Variants in JARID2 observed in about 807,000 individuals in gnomAD.
JARID2 encodes the protein protein Jumonji.
A neutral mutation model predicts 125.6 loss-of-function variants in JARID2; 21 were observed. The observed-to-expected ratio is 0.17, with a 90% CI of 0.12 to 0.24. The LOEUF (loss-of-function observed/expected upper bound fraction) is 0.24, where lower values mean the gene tolerates loss of function less well. Ranked by LOEUF, JARID2 falls within the 10% of genes least tolerant of loss-of-function variation. The pLI is 1.00. For synonymous variants in JARID2, 736 were observed against 661.6 expected, an observed-to-expected ratio of 1.11 and a Z score of -1.73; for missense variants, 1,303 against 1,639.6, an observed-to-expected ratio of 0.79 and a Z score of 3.55.
chr6:15,247,473 A>AT, intron 1 of JARID2: 11 of 980,216 alleles, frequency 1.1e-5, no homozygotes, highest in Non-Finnish European at 1.3e-5. Flanking sequence ...GGACCGAGGG[A>AT]TTAACCAAAT....
intron 1 of JARID2, among the ~76,000 whole-genome samples, chr6:15,305,314 C>CTGAATAAGAAGT (rs1761780542): frequency 2.0e-5 from 3 of 151,980 alleles, no homozygotes; most frequent in African/African-American, 7.3e-5. Flanking sequence ...GAGAGCAACT[C>CTGAATAAGAAGT]CGCTGTGGGC....
intron 3 of JARID2, among the ~76,000 whole-genome samples, chr6:15,423,010 A>G (rs1203038493): frequency 8.1e-6 from 1 of 122,932 alleles, no homozygotes; most frequent in Admixed American, 8.5e-5. Context: ...TTTTTTAAAC[A>G]TTTATTTGAG....
At chr6:15,412,649 A>AT (rs753606468) in intron 3 of JARID2, among the ~76,000 whole-genome samples, 1 of 152,196 alleles carries the variant, frequency 6.6e-6, no homozygotes, top group Admixed American at 6.5e-5. Context: ...CAAGCATAAA[A>AT]TGATAACTTA....
In JARID2 at chr6:15,512,193, G is replaced by T; in HGVS notation, c.2953-15G>T. 1 of 1,610,738 alleles carries T rather than the reference G, an allele frequency of 6.2e-7. No individual in the cohort carries two copies. Among genetic ancestry groups the T allele is most frequent in the Non-Finnish European group, 8.5e-7 (1 of 1,177,714 alleles). ...GCACAGGGAGGGGTGCCTCAGCCTG[G>T]CCCTGTCTCCCCAGATCTCCCCGGA... On this transcript the variant is annotated splice_polypyrimidine_tract_variant and intron_variant, in intron 13 of 17. Transcript: ENST00000341776.
chr6:15,496,682 A>G lies in JARID2; in HGVS notation c.1457A>G (p.Lys486Arg). Residue 486 changes from lysine (K) to arginine (R), a missense_variant, in exon 7 of 18, where the codon AAG (lysine) becomes AGG (arginine). By Grantham distance (26) the Lys-to-Arg change is conservative. Around this residue, in one of 11 missense-constraint regions of JARID2, gnomAD observed 651 missense variants for 581.6 expected, o/e 1.12. Transcript: ENST00000341776. ...AERGLLNGHV[K>R]KEVPERSLER... The stretch of plus-strand genomic sequence containing the variant: ...AGAGGTCTGCTGAACGGACACGTGA[A>G]GAAGGAAGTGCCGGAGCGCAGTCTG... The G allele has an allele frequency of 6.2e-7, 1 of 1,613,182 alleles. No homozygotes were observed. The highest frequency in any genetic ancestry group is 8.5e-7 in the Non-Finnish European group (1 of 1,179,910).
intron 1 of JARID2, among the ~76,000 whole-genome samples, chr6:15,290,586 C>G (rs546820987): frequency 1.3e-5 from 2 of 152,290 alleles, no homozygotes; most frequent in South Asian, 4.1e-4. Context: ...CAGAATCAAT[C>G]TCATGTGATG....
rs536042559 is a variant in JARID2 at position 15,311,022 on chromosome 6, G to A, written c.46-63095G>A. Among the ~76,000 whole-genome samples, 9 of 152,246 alleles carry A rather than the reference G, an allele frequency of 5.9e-5. No homozygotes were observed. The East Asian group carries it at 1.2e-3, about 20-fold the overall frequency. Reference sequence around the variant, plus strand: ...GAGGACTTCACATCCTTTGGGATGCGGGTATTTTAGTTCCAGGGCTAACAT... The same window carrying A: ...GAGGACTTCACATCCTTTGGGATGCAGGTATTTTAGTTCCAGGGCTAACAT... On this transcript the variant is annotated intron_variant, in intron 1 of 17. Transcript: ENST00000341776.
At position 15,269,802 on chromosome 6, in the gene JARID2, A is replaced by G. The variant is rs527630073; in HGVS notation, c.45+23218A>G. On this transcript the variant is annotated intron_variant, in intron 1 of 17. Transcript: ENST00000341776. ...AGTGTTTTTACTGGCTATATAGACC[A>G]CAGAGTCCAGAAGTGACTTGGATGG... Among the ~76,000 whole-genome samples, 13 of 152,294 alleles carry G rather than the reference A, an allele frequency of 8.5e-5. 1 individual carries two copies. The highest frequency in any genetic ancestry group is 3.1e-4 in the African/African-American group (13 of 41,560).
chr6:15,316,974 TG>T (rs1378925670), intron 1 of JARID2, among the ~76,000 whole-genome samples: 2 of 152,366 alleles, frequency 1.3e-5, no homozygotes, highest in East Asian at 3.9e-4. Flanking sequence ...ATAGTACCTT[TG>T]TTATAGAGTT....
Position 15,433,408 on chromosome 6 carries a change from C to CTGTGTG in JARID2, c.324-18597_324-18596insGTGTGT, listed in dbSNP as rs1414027038. Among the ~76,000 whole-genome samples, 908 of 93,466 alleles carry CTGTGTG rather than the reference C, an allele frequency of 9.7e-3. 9 individuals carry two copies. Among genetic ancestry groups the CTGTGTG allele is most frequent in the African/African-American group, 0.04 (810 of 20,400 alleles). The allele number at this position is 93,466 out of a possible 152,430, so 61.3% of individuals were successfully genotyped here. On this transcript the variant is annotated intron_variant, in intron 3 of 17. Transcript: ENST00000341776. ...TGCCTCCTCCCCAACCCCCATGTCT[C>CTGTGTG]TCTGTGTGTGTGTGTGTGTGTGTGT...
chr6:15,263,112 GTGTGT>G (rs1476313964), intron 1 of JARID2, among the ~76,000 whole-genome samples: 7 of 136,806 alleles, frequency 5.1e-5, no homozygotes, highest in African/African-American at 1.6e-4. Context: ...GTGTGTGTGT[GTGTGT>G]GGTAGGGGTC....
In JARID2 at chr6:15,521,519, AT is replaced by A. The variant is rs1338137703; in HGVS notation, c.*1269del. ...TTACAGGGTTTTTCTTGTAACATTTATAAGTGCTGCTTACATCACTGAACAA... is the reference window on the plus strand; with the variant it reads ...TTACAGGGTTTTTCTTGTAACATTTAAAGTGCTGCTTACATCACTGAACAA... On this transcript the variant is annotated 3_prime_UTR_variant, in exon 18 of 18. Coordinates refer to ENST00000341776, the MANE Select transcript of JARID2 (RefSeq NM_004973.4). 5 of 152,106 alleles carry A rather than the reference AT, an allele frequency of 3.3e-5. No individual in the cohort carries two copies. The highest frequency in any genetic ancestry group is 3.3e-4 in the Admixed American group (5 of 15,278). The allele number at this position is 152,106 out of a possible 1,614,324, so 9.4% of individuals were successfully genotyped here. A position where few individuals can be genotyped will look rare whatever the true frequency, so the allele number is the denominator to read the frequency against.
At chr6:15,466,529 C>A (rs1768748653) in intron 4 of JARID2, among the ~76,000 whole-genome samples, 1 of 152,212 alleles carries the variant, frequency 6.6e-6, no homozygotes, top group Non-Finnish European at 1.5e-5. Flanking sequence ...TGACTGACAG[C>A]ATGTGTTAGA....
chr6:15,280,068 A>G (rs936795684), intron 1 of JARID2, among the ~76,000 whole-genome samples: 17 of 152,336 alleles, frequency 1.1e-4, no homozygotes, highest in Admixed American at 3.3e-4. Context: ...GGTCGTATGT[A>G]TGTATATTAC....
intron 3 of JARID2, among the ~76,000 whole-genome samples, chr6:15,431,876 A>G (rs1766980568): frequency 6.6e-6 from 1 of 152,178 alleles, no homozygotes; most frequent in African/African-American, 2.4e-5. Context: ...CACTAAAGGT[A>G]TGCCACTGGA....
intron 3 of JARID2, among the ~76,000 whole-genome samples, chr6:15,421,129 C>T (rs1482506889): frequency 4.6e-5 from 7 of 152,186 alleles, no homozygotes; most frequent in Admixed American, 1.3e-4. Flanking sequence ...TTGCCCTTTC[C>T]GTAACTGCTG....
intron 1 of JARID2, among the ~76,000 whole-genome samples, chr6:15,357,907 C>G (rs1377991163): frequency 6.6e-6 from 1 of 152,184 alleles, no homozygotes; most frequent in East Asian, 1.9e-4. Context: ...CACTGACAAG[C>G]AATTCCACCG....
In JARID2 at chr6:15,520,086, G is replaced by T. The variant is rs1771760145; in HGVS notation, c.3576G>T (p.Leu1192=). The part of the protein sequence containing the change: ...YRYDEEQIIS[L]VNQICGKVSG... ...CCAAACAGGAACAGATTATCAGTCTGGTCAATCAGATCTGCGGCAAAGTGT... is the reference window on the plus strand; with the variant it reads ...CCAAACAGGAACAGATTATCAGTCTTGTCAATCAGATCTGCGGCAAAGTGT... The change falls in exon 18 of 18, where the codon CTG becomes CTT. Residue 1192 remains leucine (L), a synonymous_variant. Transcript: ENST00000341776. 1.2e-6 allele frequency: 2 copies of T among 1,612,746 alleles called. No homozygotes were observed. The highest frequency in any genetic ancestry group is 1.3e-5 in the African/African-American group (1 of 74,776).
chr6:15,385,516 T>A (rs1334713522), intron 2 of JARID2, among the ~76,000 whole-genome samples: 1 of 150,614 alleles, frequency 6.6e-6, no homozygotes, highest in Non-Finnish European at 1.5e-5. Flanking sequence ...GATATAGTTT[T>A]TTATAGATAT....
Sources: allele counts gnomAD v4.1 joint callset (sites outside exome capture counted in the v4.1 genomes callset), GRCh38; gene constraint gnomAD v4.1.1; regional missense constraint gnomAD v4.1.1; transcripts MANE v1.5; gene names NCBI Gene and HGNC (gene_info 2026-07-23, HGNC 2026-07-21).